Variants in CLDN16 observed in about 807,000 individuals in gnomAD.
CLDN16 encodes claudin 16.
Under a neutral mutation model 24.6 loss-of-function variants are expected in CLDN16, and 13 were observed. The observed-to-expected ratio is 0.53, with a 90% CI of 0.34 to 0.84. The LOEUF (loss-of-function observed/expected upper bound fraction) is 0.84. CLDN16 is among the 40% of genes least tolerant of loss of function. CLDN16 has a pLI of 0.01. For synonymous variants in CLDN16, 116 were observed against 106.7 expected (o/e 1.09, Z -0.54); for missense variants, 298 against 292.7 (o/e 1.02, Z -0.13).
At chr3:190,333,579 TATCA>T (rs145712588) in intron 1 of CLDN16, among the ~76,000 whole-genome samples, 3,764 of 28,374 alleles carry the variant, frequency 0.13, 61 homozygotes, top group East Asian at 0.33. Flanking sequence ...TCTATCTATC[TATCA>T]ATCATCTTTC....
At chr3:190,313,046 A>C in the CLDN16 span, 1 of 1,614,136 alleles carries the variant, frequency 6.2e-7, no homozygotes, top group Non-Finnish European at 8.5e-7. Context: ...CCTGGCAGAA[A>C]ACATTTTAAA....
upstream of CLDN16, among the ~76,000 whole-genome samples, chr3:190,318,586 T>C (rs1716831595): frequency 6.6e-6 from 1 of 152,218 alleles, no homozygotes; most frequent in African/African-American, 2.4e-5. Flanking sequence ...TGGCTCACCA[T>C]TATACACTTG....
the CLDN16 span, among the ~76,000 whole-genome samples, chr3:190,296,349 A>G: frequency 6.6e-6 from 1 of 152,134 alleles, no homozygotes; most frequent in Non-Finnish European, 1.5e-5. Flanking sequence ...TGGCTACTTT[A>G]TAAAGGGTGG....
At chr3:190,342,009 T>C (rs993056703) in intron 1 of CLDN16, among the ~76,000 whole-genome samples, 2 of 152,240 alleles carry the variant, frequency 1.3e-5, no homozygotes, top group African/African-American at 4.8e-5. Context: ...CTGGACTTTA[T>C]TTTCCATATC....
At chr3:190,405,428 GA>G (rs542527344) in intron 3 of CLDN16, among the ~76,000 whole-genome samples, 10,340 of 80,930 alleles carry the variant, frequency 0.13, 343 homozygotes, top group Non-Finnish European at 0.18. Context: ...CCGTCTCACG[GA>G]AAAAAAAAAA....
chr3:190,331,172 G>A (rs934238558), intron 1 of CLDN16, among the ~76,000 whole-genome samples: 18 of 152,190 alleles, frequency 1.2e-4, no homozygotes, highest in African/African-American at 4.3e-4. Context: ...GATTATGCCT[G>A]CCCTTAGTGC....
intron 3 of CLDN16, among the ~76,000 whole-genome samples, chr3:190,377,451 C>T (rs990603364): frequency 3.3e-5 from 5 of 151,790 alleles, no homozygotes; most frequent in East Asian, 3.9e-4. Context: ...TTTGGGTCTC[C>T]GTTAGTTTCA....
chr3:190,310,404 G>A, the CLDN16 span: 1 of 606,020 alleles, frequency 1.7e-6, no homozygotes, highest in Non-Finnish European at 2.9e-6. Context: ...TAGAAGTCCA[G>A]ATATGATTTA....
intron 1 of CLDN16, among the ~76,000 whole-genome samples, chr3:190,359,952 C>T (rs1184435166): frequency 6.6e-6 from 1 of 151,938 alleles, no homozygotes; most frequent in Non-Finnish European, 1.5e-5. Flanking sequence ...TATTTGAATG[C>T]TTCTCTTGGC....
intron 2 of CLDN16, among the ~76,000 whole-genome samples, chr3:190,373,233 C>T (rs974017091): frequency 1.8e-5 from 2 of 111,136 alleles, no homozygotes; most frequent in Non-Finnish European, 3.9e-5. Context: ...TCTGTTTCAG[C>T]AGGGGTTGCA....
At chr3:190,396,842 G>A (rs1718832837) in intron 1 of CLDN16, among the ~76,000 whole-genome samples, 1 of 143,428 alleles carries the variant, frequency 7.0e-6, no homozygotes, top group African/African-American at 2.6e-5. Flanking sequence ...TGAATAATAA[G>A]TAGAAGTTTG....
chr3:190,298,214 C>G, the CLDN16 span, among the ~76,000 whole-genome samples: 716 of 152,192 alleles, frequency 4.7e-3, 4 homozygotes, highest in Middle Eastern at 0.017. Flanking sequence ...AGGACTAGAA[C>G]GTTACCAACA....
At chr3:190,362,001 G>GGTCTAACCA (rs1553805158) in intron 1 of CLDN16, among the ~76,000 whole-genome samples, 6 of 150,230 alleles carry the variant, frequency 4.0e-5, no homozygotes, top group African/African-American at 9.8e-5. Flanking sequence ...TGGCACACCT[G>GGTCTAACCA]GTCTAACCAG....
the CLDN16 span, among the ~76,000 whole-genome samples, chr3:190,309,947 G>A: frequency 6.6e-6 from 1 of 152,278 alleles, no homozygotes; most frequent in African/African-American, 2.4e-5. Flanking sequence ...CACAGAGCTT[G>A]AAACTTTTCT....
the CLDN16 span, among the ~76,000 whole-genome samples, chr3:190,300,572 A>AAT: frequency 1.3e-5 from 2 of 152,234 alleles, no homozygotes; most frequent in Non-Finnish European, 2.9e-5. Context: ...GAATATTAGG[A>AAT]ATATATGATA....
At chr3:190,359,272 A>G (rs1717838862) in intron 1 of CLDN16, among the ~76,000 whole-genome samples, 1 of 152,060 alleles carries the variant, frequency 6.6e-6, no homozygotes. Flanking sequence ...TGAACAAATG[A>G]CCTTAACATT....
intron 3 of CLDN16, among the ~76,000 whole-genome samples, chr3:190,405,890 C>T (rs752786788): frequency 2.0e-5 from 3 of 152,186 alleles, no homozygotes; most frequent in Non-Finnish European, 4.4e-5. Context: ...AACTTCAAAG[C>T]TTAGTCCTCT....
chr3:190,333,775 T>C (rs1490648348), intron 1 of CLDN16, among the ~76,000 whole-genome samples: 34 of 152,154 alleles, frequency 2.2e-4, no homozygotes, highest in Non-Finnish European at 1.9e-4. Context: ...TACACACATT[T>C]ACTCATTCAA....
chr3:190,351,010 G>A (rs1577405675), intron 1 of CLDN16, among the ~76,000 whole-genome samples: 1 of 152,124 alleles, frequency 6.6e-6, no homozygotes, highest in Non-Finnish European at 1.5e-5. Flanking sequence ...GAGGTGTTGG[G>A]TCTTGTGGGT....
Sources: allele counts gnomAD v4.1 joint callset (sites outside exome capture counted in the v4.1 genomes callset), GRCh38; gene constraint gnomAD v4.1.1; transcripts MANE v1.5; gene names NCBI Gene and HGNC (gene_info 2026-07-23, HGNC 2026-07-21).